SPAG16: variants seen among roughly 807,000 people sequenced by gnomAD.
The protein encoded by SPAG16 is sperm associated antigen 16, also known as sperm-associated antigen 16 protein.
In SPAG16, 86 loss-of-function variants were observed where a neutral mutation model predicts 80.4. The ratio of observed to expected loss-of-function variants is 1.07; its 90% CI spans 0.90 to 1.28. The LOEUF is 1.28. Ranked by LOEUF, SPAG16 falls within the 50% of genes most tolerant of loss-of-function variation. The pLI, the probability that SPAG16 is intolerant of heterozygous loss-of-function variation, is 0.00. For missense variants in SPAG16, 870 were observed against 765.3 expected, an observed-to-expected ratio of 1.14 and a Z score of -1.61; for synonymous variants, 294 against 265.9, an observed-to-expected ratio of 1.11 and a Z score of -1.03.
chr2:213,783,109 C>G (rs1047643643), intron 10 of SPAG16, among the ~76,000 whole-genome samples: 30 of 140,100 alleles, frequency 2.1e-4, no homozygotes, highest in African/African-American at 7.7e-4. Flanking sequence ...CAAGTGATCT[C>G]ATTGTTCAAT....
intron 12 of SPAG16, among the ~76,000 whole-genome samples, chr2:213,967,430 A>G (rs2044762384): frequency 6.6e-6 from 1 of 152,160 alleles, no homozygotes. Context: ...GAGAGACCAA[A>G]AGAGAGACAT....
intron 13 of SPAG16, among the ~76,000 whole-genome samples, chr2:214,054,076 C>T (rs1352656563): frequency 6.6e-6 from 1 of 152,086 alleles, no homozygotes; most frequent in African/African-American, 2.4e-5. Flanking sequence ...GTGGCACAAT[C>T]TCGGCTCACT....
At chr2:213,812,167 G>C (rs1280001863) in intron 10 of SPAG16, among the ~76,000 whole-genome samples, 5 of 152,176 alleles carry the variant, frequency 3.3e-5, no homozygotes, top group African/African-American at 1.2e-4. Flanking sequence ...TAGAATCACA[G>C]AATGAGAGGA....
chr2:213,435,250 G>T (rs980108904), intron 9 of SPAG16, among the ~76,000 whole-genome samples: 4 of 152,134 alleles, frequency 2.6e-5, no homozygotes, highest in African/African-American at 9.7e-5. Context: ...TAAGTGAATT[G>T]CAGGTCATTA....
At chr2:214,096,845 A>G (rs2052623710) in intron 13 of SPAG16, among the ~76,000 whole-genome samples, 1 of 152,086 alleles carries the variant, frequency 6.6e-6, no homozygotes, top group African/African-American at 2.4e-5. Context: ...AGTTATTTAC[A>G]TGAAATAACA....
intron 10 of SPAG16, among the ~76,000 whole-genome samples, chr2:213,735,039 T>C (rs1414253287): frequency 2.6e-5 from 4 of 152,150 alleles, no homozygotes; most frequent in Non-Finnish European, 1.5e-5. Context: ...TATCTGCTTA[T>C]GTACTGCAGC....
At chr2:214,002,741 G>T (rs2046848502) in intron 12 of SPAG16, among the ~76,000 whole-genome samples, 1 of 152,194 alleles carries the variant, frequency 6.6e-6, no homozygotes, top group Non-Finnish European at 1.5e-5. Flanking sequence ...GGATGTCCCA[G>T]ATTGAGCAAA....
intron 15 of SPAG16, among the ~76,000 whole-genome samples, chr2:214,331,123 C>T (rs1250407468): frequency 6.6e-6 from 1 of 152,130 alleles, no homozygotes; most frequent in Non-Finnish European, 1.5e-5. Context: ...ATTCCTGGGG[C>T]TCCGGCAACT....
chr2:213,973,642 T>A, intron 12 of SPAG16, among the ~76,000 whole-genome samples: 1 of 151,920 alleles, frequency 6.6e-6, no homozygotes, highest in Non-Finnish European at 1.5e-5. Context: ...CCCCCTTTTT[T>A]TTTTTTTTGA....
At chr2:213,647,058 G>C (rs899635532) in intron 10 of SPAG16, among the ~76,000 whole-genome samples, 1 of 152,090 alleles carries the variant, frequency 6.6e-6, no homozygotes, top group African/African-American at 2.4e-5. Context: ...GAAAAGAAAA[G>C]AAATGGAATA....
At chr2:213,855,011 T>G (rs2075084061) in intron 10 of SPAG16, among the ~76,000 whole-genome samples, 1 of 152,256 alleles carries the variant, frequency 6.6e-6, no homozygotes, top group Admixed American at 6.5e-5. Flanking sequence ...GCCTAAATTA[T>G]TTACTCTCTG....
At chr2:213,346,843 T>C (rs2065022131) in intron 6 of SPAG16, among the ~76,000 whole-genome samples, 1 of 364 alleles carries the variant, frequency 2.7e-3, no homozygotes, top group African/African-American at 3.0e-3. Context: ...AAAATTCTCT[T>C]TTTTTTTTTG....
intron 9 of SPAG16, among the ~76,000 whole-genome samples, chr2:213,480,503 A>T (rs1186303512): frequency 1.3e-5 from 2 of 152,234 alleles, no homozygotes; most frequent in Admixed American, 1.3e-4. Context: ...ACTCAGAGTA[A>T]TACCATACCT....
intron 2 of SPAG16, chr2:213,296,973 G>A: frequency 1.6e-5 from 16 of 970,440 alleles, no homozygotes; most frequent in Non-Finnish European, 2.2e-5. Flanking sequence ...TATTTAGATA[G>A]CCTTATTATT....
intron 13 of SPAG16, among the ~76,000 whole-genome samples, chr2:214,023,423 A>G (rs1484820600): frequency 6.6e-6 from 1 of 151,746 alleles, no homozygotes; most frequent in Admixed American, 6.6e-5. Flanking sequence ...AAAAAGAAAA[A>G]AATACTTTAT....
At chr2:213,340,384 G>T (rs1014613046) in intron 6 of SPAG16, 114 bp downstream of exon 6, 2 of 763,700 alleles carry the variant, frequency 2.6e-6, no homozygotes, top group African/African-American at 3.6e-5. Context: ...TTGAGCATAA[G>T]ATGAGTAAGT....
chr2:214,081,594 A>G (rs2051398270), intron 13 of SPAG16, among the ~76,000 whole-genome samples: 1 of 152,174 alleles, frequency 6.6e-6, no homozygotes, highest in Non-Finnish European at 1.5e-5. Flanking sequence ...ACTAACAGAG[A>G]GACATAACAT....
At chr2:214,107,459 A>T (rs1207185169) in intron 13 of SPAG16, among the ~76,000 whole-genome samples, 1 of 152,150 alleles carries the variant, frequency 6.6e-6, no homozygotes, top group African/African-American at 2.4e-5. Context: ...TCCCTACAAG[A>T]GTCAAGAATG....
intron 13 of SPAG16, among the ~76,000 whole-genome samples, chr2:214,087,601 G>T (rs12185594): frequency 4.6e-5 from 7 of 151,794 alleles, no homozygotes; most frequent in Non-Finnish European, 1.0e-4. Context: ...ATGTATGTTG[G>T]GAATTATAGG....
Sources: gnomAD v4.1 joint callset for allele counts (sites outside exome capture counted in the v4.1 genomes callset) on GRCh38, gnomAD v4.1.1 for gene constraint, MANE v1.5 for transcripts, NCBI Gene and HGNC (gene_info 2026-07-23, HGNC 2026-07-21) for gene names.